Variants in MEGF6 observed in about 807,000 individuals in gnomAD.
MEGF6 encodes the protein multiple EGF like domains 6, also known as multiple epidermal growth factor-like domains protein 6.
In MEGF6, 184 loss-of-function variants were observed where a neutral mutation model predicts 207.1. The ratio of observed to expected loss-of-function variants is 0.89; its 90% CI spans 0.79 to 1.00. The LOEUF (loss-of-function observed/expected upper bound fraction) is 1.00. Among genes scored for constraint, MEGF6 ranks in the 50% least tolerant of loss-of-function variants. The probability of loss-of-function intolerance (pLI) is 0.00; values close to 1 mark genes in which losing one functional copy is unlikely to be tolerated. For synonymous variants in MEGF6, 1,038 were observed against 910.0 expected, an observed-to-expected ratio of 1.14 and a Z score of -2.53; for missense variants, 2,282 against 2,202.9, an observed-to-expected ratio of 1.04 and a Z score of -0.72.
intron 4 of MEGF6, among the ~76,000 whole-genome samples, chr1:3,562,115 T>G (rs1643219835): frequency 6.6e-6 from 1 of 152,156 alleles, no homozygotes; most frequent in African/African-American, 2.4e-5. Flanking sequence ...CTCTCTGCCC[T>G]CTCCTCTGTG....
chr1:3,561,417 A>T (rs1381390457), intron 4 of MEGF6, among the ~76,000 whole-genome samples: 1 of 152,202 alleles, frequency 6.6e-6, no homozygotes, highest in Non-Finnish European at 1.5e-5. Flanking sequence ...TGTTTCCAGA[A>T]GTGGGGTCAC....
chr1:3,607,285 G>A (rs117920085), intron 1 of MEGF6, among the ~76,000 whole-genome samples: 1 of 150,858 alleles, frequency 6.6e-6, no homozygotes, highest in East Asian at 2.0e-4. Context: ...CACTCTCCCG[G>A]CCCCTGCCCG....
intron 3 of MEGF6, among the ~76,000 whole-genome samples, chr1:3,582,954 G>A (rs1011240470): frequency 7.2e-5 from 11 of 152,254 alleles, no homozygotes; most frequent in African/African-American, 2.4e-4. Context: ...CATCTTGATC[G>A]CTGTCACGCA....
At chr1:3,512,362 G>A (rs917486343) in intron 7 of MEGF6, among the ~76,000 whole-genome samples, 1 of 152,256 alleles carries the variant, frequency 6.6e-6, no homozygotes, top group African/African-American at 2.4e-5. Context: ...GCATGACCAG[G>A]TGCCAGTGCC....
At position 3,498,472 on chromosome 1, in the gene MEGF6, C is replaced by G; in HGVS notation, c.3251G>C (p.Gly1084Ala). The G allele has an allele frequency of 6.3e-7, 1 of 1,582,586 alleles. No individual in the cohort carries two copies. The highest frequency in any genetic ancestry group is 8.6e-7 in the Non-Finnish European group (1 of 1,166,656). ...GAGGCAACCGCCGCTGTGCCGGCAG[C>G]CAGCTCTGACGTCCCGGGGGAGGCA... ...KECLPRDVRAGCRHSGGCLNG... is the reference protein window; with the variant it reads ...KECLPRDVRAACRHSGGCLNG... The change falls in exon 26 of 37, where the codon GGC becomes GCC. Residue 1084 changes from glycine (G) to alanine (A), a missense_variant. Transcript: ENST00000356575.
chr1:3,600,458 G>C (rs934173841), intron 2 of MEGF6, among the ~76,000 whole-genome samples: 2 of 152,220 alleles, frequency 1.3e-5, no homozygotes, highest in African/African-American at 4.8e-5. Context: ...GACTCCTGAT[G>C]GCAGAGGAGG....
At chr1:3,578,435 C>G (rs568243922) in intron 4 of MEGF6, among the ~76,000 whole-genome samples, 1 of 152,070 alleles carries the variant, frequency 6.6e-6, no homozygotes, top group Non-Finnish European at 1.5e-5. Flanking sequence ...GTCCTCGGAA[C>G]AGGGATGGGT....
Position 3,594,434 on chromosome 1 carries a change from A to G in MEGF6, c.376+904T>C, listed in dbSNP as rs561375657. On this transcript the variant is annotated intron_variant, in intron 3 of 36. Transcript: ENST00000356575. The surrounding 1 kb of genome is among the most constrained non-coding windows in gnomAD (Gnocchi z 4.2). ...ACAGAGTAAGACCTTACCTCTAAAA[A>G]ATAAACATAAAAAGTAACAAAATAA... Among the ~76,000 whole-genome samples the G allele has an allele frequency of 6.6e-6, 1 of 152,230 alleles. No homozygotes were observed. Among genetic ancestry groups the G allele is most frequent in the African/African-American group, 2.4e-5 (1 of 41,456 alleles).
At chr1:3,564,632 C>G (rs1056002466) in intron 4 of MEGF6, among the ~76,000 whole-genome samples, 13 of 152,172 alleles carry the variant, frequency 8.5e-5, no homozygotes, top group Non-Finnish European at 1.9e-4. Context: ...GGCCACACAA[C>G]CTCCTCACTG....
At chr1:3,529,347 G>A (rs883427) in intron 4 of MEGF6, among the ~76,000 whole-genome samples, 36,951 of 152,088 alleles carry the variant, frequency 0.24, 5,033 homozygotes, top group East Asian at 0.43. Context: ...TCATTCCAGG[G>A]ACAACGGCCC....
At chr1:3,572,148 T>C (rs1412937868) in intron 4 of MEGF6, among the ~76,000 whole-genome samples, 3 of 111,640 alleles carry the variant, frequency 2.7e-5, no homozygotes, top group African/African-American at 7.0e-5. Flanking sequence ...TATGCTGGGT[T>C]CTCTCAGGTG....
At chr1:3,544,142 C>T (rs1423478263) in intron 4 of MEGF6, among the ~76,000 whole-genome samples, 1 of 149,672 alleles carries the variant, frequency 6.7e-6, no homozygotes, top group African/African-American at 2.6e-5. Flanking sequence ...CAGGGCCCAC[C>T]ACCACCCCAG....
At chr1:3,580,294 G>T (rs1643762521) in intron 3 of MEGF6, among the ~76,000 whole-genome samples, 1 of 151,842 alleles carries the variant, frequency 6.6e-6, no homozygotes, top group African/African-American at 2.4e-5. Flanking sequence ...GGGCTGCCCA[G>T]TGGTCAGCGC....
intron 4 of MEGF6, among the ~76,000 whole-genome samples, chr1:3,577,737 C>T (rs1275691436): frequency 2.0e-5 from 3 of 152,182 alleles, no homozygotes; most frequent in Non-Finnish European, 4.4e-5. Context: ...TGAGTGCACC[C>T]CACCCCCAAG....
At position 3,505,436 on chromosome 1, in the gene MEGF6, T is replaced by G; in HGVS notation, c.2039A>C (p.Glu680Ala). The G allele has an allele frequency of 6.2e-7, 1 of 1,600,026 alleles. No individual in the cohort carries two copies. Among genetic ancestry groups the G allele is most frequent in the Non-Finnish European group, 8.5e-7 (1 of 1,173,992 alleles). Residue 680 changes from glutamate to alanine, a missense_variant, in exon 16 of 37, where the codon GAG becomes GCG. Coordinates refer to ENST00000356575, the MANE Select transcript of MEGF6 (RefSeq NM_001409.4). The part of the protein sequence containing the change: ...SCSCKAGFRG[E>A]RCQAECELGY... ...CCTGGACTCACCTGCCTGACAGCGC[T>G]CGCCCCGGAAGCCAGCCTTGCAGGA...
chr1:3,496,522 G>T, intron 29 of MEGF6, 133 bp downstream of exon 29: 1 of 1,344,848 alleles, frequency 7.4e-7, no homozygotes, highest in Non-Finnish European at 1.0e-6. Flanking sequence ...AGCCCCACTT[G>T]GGGCCAGGCC....
At chr1:3,520,158 C>A (rs559075911) in intron 5 of MEGF6, among the ~76,000 whole-genome samples, 24 of 152,332 alleles carry the variant, frequency 1.6e-4, no homozygotes, top group South Asian at 4.1e-4. Flanking sequence ...CATCTGTGGC[C>A]CTCAGACAGG....
intron 4 of MEGF6, among the ~76,000 whole-genome samples, chr1:3,534,159 G>A (rs1478490049): frequency 3.9e-5 from 6 of 152,186 alleles, no homozygotes; most frequent in African/African-American, 1.4e-4. Context: ...GCCATGCACC[G>A]TGGCTTGTCC....
chr1:3,618,610 C>A, the MEGF6 span, among the ~76,000 whole-genome samples: 2 of 152,180 alleles, frequency 1.3e-5, no homozygotes, highest in East Asian at 3.9e-4. This position sits in a 1 kb window ranked among gnomAD's most constrained non-coding sequence, Gnocchi z 4.7. Context: ...CCTTCCCCGC[C>A]GGCAGGGAGA....
Sources: gnomAD v4.1 joint callset for allele counts (sites outside exome capture counted in the v4.1 genomes callset) on GRCh38, gnomAD v4.1.1 for gene constraint, Gnocchi (gnomAD v3.1) non-coding constraint, MANE v1.5 for transcripts, NCBI Gene and HGNC (gene_info 2026-07-23, HGNC 2026-07-21) for gene names.